Variants in ZXDC observed in about 807,000 individuals in gnomAD.
ZXDC encodes the protein ZXD family zinc finger C.
ZXDC carries 58 observed loss-of-function variants against 63.6 expected under a neutral mutation model. The observed-to-expected ratio is 0.91, with a 90% confidence interval of 0.74 to 1.13. ZXDC has a LOEUF of 1.13. Ranked by LOEUF, ZXDC falls within the 50% of genes most tolerant of loss-of-function variation. The probability of loss-of-function intolerance (pLI) is 0.00; values close to 1 mark genes in which losing one functional copy is unlikely to be tolerated. For synonymous variants in ZXDC, 561 were observed against 496.1 expected, an observed-to-expected ratio of 1.13 and a Z score of -1.74; for missense variants, 1,133 against 1,148.9, an observed-to-expected ratio of 0.99 and a Z score of 0.20.
At position 126,449,714 on chromosome 3, in the gene ZXDC, C is replaced by T. The variant is rs112597082; in HGVS notation, c.2213-7768G>A. ...AGGAGTCAAGGGACTTTCCACTGGG[C>T]TGCCAAGGCCGACCTTCACCCTCAA... On this transcript the variant is annotated intron_variant, in intron 7 of 9. Coordinates refer to ENST00000389709, the MANE Select transcript of ZXDC (RefSeq NM_025112.5). Among the ~76,000 whole-genome samples the T allele has an allele frequency of 5.9e-5, 9 of 152,326 alleles. 1 individual carries two copies. Among genetic ancestry groups the T allele is most frequent in the African/African-American group, 1.9e-4 (8 of 41,574 alleles).
intron 7 of ZXDC, among the ~76,000 whole-genome samples, chr3:126,445,646 G>T (rs958125597): frequency 6.6e-6 from 1 of 151,708 alleles, no homozygotes; most frequent in African/African-American, 2.4e-5. Flanking sequence ...AGATGAGCTC[G>T]GACACCCCTT....
chr3:126,470,328 G>A (rs553801290), intron 4 of ZXDC, among the ~76,000 whole-genome samples: 5 of 152,256 alleles, frequency 3.3e-5, no homozygotes, highest in East Asian at 3.9e-4. Context: ...TCAGCCAAGC[G>A]TGGTGGCATA....
intron 4 of ZXDC, among the ~76,000 whole-genome samples, chr3:126,469,839 GAGGAAC>G (rs1406122924): frequency 3.3e-5 from 5 of 152,238 alleles, no homozygotes; most frequent in Admixed American, 3.3e-4. Context: ...CTGACGGAAG[GAGGAAC>G]TGTTTCTCAG....
intron 8 of ZXDC, chr3:126,441,224 G>A (rs1933662317): frequency 1.0e-6 from 1 of 985,982 alleles, no homozygotes; most frequent in Non-Finnish European, 1.2e-6. Flanking sequence ...CGGACAGGCT[G>A]GGAGGGGCCT....
intron 6 of ZXDC, 150 bp from the exon 7 acceptor site, chr3:126,459,887 T>G: frequency 6.5e-7 from 1 of 1,526,720 alleles, no homozygotes; most frequent in Non-Finnish European, 8.8e-7. Context: ...GGCCAAACGC[T>G]ACATCCACTT....
In ZXDC at chr3:126,475,661, C is replaced by A. The variant is rs765801706; in HGVS notation, c.205G>T (p.Asp69Tyr). ...SGPSPPPAED[D>Y]SDGDSFLVLL... ...ACCAAGAAAGAGTCGCCGTCGCTGTCGTCCTCGGCGGGCGGCGGGCTTGGC... is the reference window on the plus strand; with the variant it reads ...ACCAAGAAAGAGTCGCCGTCGCTGTAGTCCTCGGCGGGCGGCGGGCTTGGC... Residue 69 changes from aspartate to tyrosine, a missense_variant, in exon 1 of 10, where the codon GAC becomes TAC. Physicochemically the swap from Asp to Tyr is radical, Grantham distance 160 (BLOSUM62 -3). Transcript: ENST00000389709. The A allele has an allele frequency of 6.3e-6, 9 of 1,438,794 alleles. No homozygotes were observed. The highest frequency in any genetic ancestry group is 7.3e-6 in the Non-Finnish European group (8 of 1,093,220). 89.1% of individuals were successfully genotyped at this position (1,438,794 alleles called of 1,614,324 possible).
At chr3:126,454,385 C>T (rs1934231116) in intron 7 of ZXDC, 1 of 985,218 alleles carries the variant, frequency 1.0e-6, no homozygotes, top group South Asian at 4.7e-5. Flanking sequence ...TACACATGAA[C>T]AGCAACCAAA....
In ZXDC at chr3:126,475,547, G is replaced by T; in HGVS notation, c.319C>A (p.Arg107Ser). Residue 107 changes from arginine (R) to serine (S), a missense_variant, in exon 1 of 10, where the codon CGC becomes AGC. Physicochemically the swap from Arg to Ser is moderately radical, Grantham distance 110 (BLOSUM62 -1). Coordinates refer to ENST00000389709, the MANE Select transcript of ZXDC (RefSeq NM_025112.5). ...GGGCCGCTGGGGCCCTGCTCGGGGCGGCTCGCCAGGTTGACACGGGAGCCA... is the reference window on the plus strand; with the variant it reads ...GGGCCGCTGGGGCCCTGCTCGGGGCTGCTCGCCAGGTTGACACGGGAGCCA... ...EPGSRVNLASRPEQGPSGPAA... is the reference protein window; with the variant it reads ...EPGSRVNLASSPEQGPSGPAA... 7.3e-7 allele frequency: 1 copy of T among 1,371,666 alleles called. No homozygotes were observed. The highest frequency in any genetic ancestry group is 1.5e-5 in the African/African-American group (1 of 66,264). 85.0% of individuals were successfully genotyped at this position (1,371,666 alleles called of 1,614,324 possible). A position where few individuals can be genotyped will look rare whatever the true frequency, so the allele number is the denominator to read the frequency against.
rs537812246 is a variant in ZXDC at position 126,452,598 on chromosome 3, C to T, written c.2212+7055G>A. 133 of 978,244 alleles carry T rather than the reference C, an allele frequency of 1.4e-4. No homozygotes were observed. In the African/African-American group the frequency reaches 1.9e-3, roughly 14 times the overall value. The allele number at this position is 978,244 out of a possible 1,614,324, so 60.6% of individuals were successfully genotyped here. On this transcript the variant is annotated intron_variant, in intron 7 of 9. Coordinates refer to ENST00000389709, the MANE Select transcript of ZXDC (RefSeq NM_025112.5). ...TTGAGATAATGCAATTAACAGATTT[C>T]GTAACATTAAATCATTCTCAAGCTA...
At chr3:126,459,073 T>A in intron 7 of ZXDC, 3 of 985,416 alleles carry the variant, frequency 3.0e-6, no homozygotes, top group Non-Finnish European at 3.6e-6. Context: ...TAGAAAAAGA[T>A]TTAGCAGTTT....
At chr3:126,446,762 C>T (rs936225962) in intron 7 of ZXDC, among the ~76,000 whole-genome samples, 3 of 152,128 alleles carry the variant, frequency 2.0e-5, no homozygotes, top group Admixed American at 2.0e-4. Flanking sequence ...ATATACTTAT[C>T]CACAAGGAAA....
At chr3:126,460,366 C>T (rs569739818) in intron 6 of ZXDC, 6 of 674,176 alleles carry the variant, frequency 8.9e-6, no homozygotes, top group Non-Finnish European at 1.1e-5. Context: ...CCTCAAAGCT[C>T]GTAGCATACC....
rs1576699175 is a variant in ZXDC, at chr3:126,475,408, G to T, written c.458C>A (p.Pro153His). 2.5e-6 allele frequency: 3 copies of T among 1,188,342 alleles called. No individual in the cohort carries two copies. The highest frequency in any genetic ancestry group is 3.2e-5 in the African/African-American group (2 of 61,908). The allele number at this position is 1,188,342 out of a possible 1,614,324, so 73.6% of individuals were successfully genotyped here. A position where few individuals can be genotyped will look rare whatever the true frequency, so the allele number is the denominator to read the frequency against. ...GVLALSAPPG[P>H]ATAGAAAPRR... ...GGGAGCGGCGGCGCCCGCGGTTGCGGGGCCGGGCGGCGCAGACAGCGCGAG... is the reference window on the plus strand; with the variant it reads ...GGGAGCGGCGGCGCCCGCGGTTGCGTGGCCGGGCGGCGCAGACAGCGCGAG... Residue 153 changes from proline (P) to histidine (H), a missense_variant, in exon 1 of 10, where the codon CCC (proline) becomes CAC (histidine). By Grantham distance (77) the Pro-to-His change is moderately conservative. Transcript: ENST00000389709.
chr3:126,439,260 T>C (rs1344020888), intron 9 of ZXDC, among the ~76,000 whole-genome samples: 1 of 152,260 alleles, frequency 6.6e-6, no homozygotes, highest in Admixed American at 6.5e-5. Flanking sequence ...CTCTGAATCA[T>C]TCACTGCCAC....
intron 7 of ZXDC, among the ~76,000 whole-genome samples, chr3:126,456,417 C>A (rs1040596028): frequency 1.3e-5 from 2 of 152,238 alleles, no homozygotes; most frequent in African/African-American, 4.8e-5. Context: ...TAAGGCCAGC[C>A]AATCCACACA....
rs752742634 is a variant in ZXDC at position 126,472,183 on chromosome 3, G to C, written c.1030C>G (p.Arg344Gly). ...GCSKQYDKACRLKIHLRSHTG... is the reference protein window; with the variant it reads ...GCSKQYDKACGLKIHLRSHTG... ...TGGCTCCGCAGGTGAATTTTCAGCC[G>C]ACAGGCTTTATCATACTGCTTGCTG... is the stretch of plus-strand genomic sequence containing the variant. The change falls in exon 2 of 10, where the codon CGG becomes GGG. Residue 344 changes from arginine (R) to glycine (G), a missense_variant. Coordinates refer to ENST00000389709, the MANE Select transcript of ZXDC (RefSeq NM_025112.5). The C allele has an allele frequency of 3.1e-6, 5 of 1,610,582 alleles. No homozygotes were observed. The highest frequency in any genetic ancestry group is 3.4e-6 in the Non-Finnish European group (4 of 1,177,070).
At position 126,462,039 on chromosome 3, in the gene ZXDC, G is replaced by A. The variant is rs373486053; in HGVS notation, c.1623C>T (p.Asp541=). The A allele has an allele frequency of 1.7e-5, 27 of 1,613,990 alleles. No homozygotes were observed. The highest frequency in any genetic ancestry group is 2.2e-5 in the South Asian group (2 of 91,084). ...CCAGAGAGGAGCTCACAGAAGTGAC[G>A]TCAATAGTCAGGATTCCGGAGTTCA... ...EALNSGILTI[D]VTSVSSSLGG... Residue 541 remains aspartate (D), a synonymous_variant, in exon 6 of 10, where the codon GAC becomes GAT. Coordinates refer to ENST00000389709, the MANE Select transcript of ZXDC (RefSeq NM_025112.5).
chr3:126,448,367 A>G (rs762909649), intron 7 of ZXDC, among the ~76,000 whole-genome samples: 5 of 152,214 alleles, frequency 3.3e-5, no homozygotes, highest in Non-Finnish European at 7.3e-5. Context: ...CGCTCAGTAC[A>G]GCCGTGCATT....
Position 126,462,186 on chromosome 3 carries a change from A to G in ZXDC, c.1476T>C (p.Leu492=). The G allele has an allele frequency of 1.2e-6, 2 of 1,606,050 alleles. No homozygotes were observed. Among genetic ancestry groups the G allele is most frequent in the African/African-American group, 1.3e-5 (1 of 74,892 alleles). ...GGCTGCTGAGTTCACTGCTGGGAGT[A>G]AGAGAACTCGGAGCTTCTAGCTGAG... ...LLPQLEAPSS[L]TPSSELSSPG... The change falls in exon 6 of 10, where the codon CTT becomes CTC. Residue 492 remains leucine (L), a synonymous_variant. Transcript: ENST00000389709.
Sources: gnomAD v4.1 joint callset for allele counts (sites outside exome capture counted in the v4.1 genomes callset) on GRCh38, gnomAD v4.1.1 for gene constraint, MANE v1.5 for transcripts, NCBI Gene and HGNC (gene_info 2026-07-23, HGNC 2026-07-21) for gene names.